ABCA3: variants seen among roughly 807,000 people sequenced by gnomAD.
ABCA3 encodes the protein phospholipid-transporting ATPase ABCA3.
ABCA3 carries 88 observed loss-of-function variants against 172.8 expected under a neutral mutation model. The ratio of observed to expected loss-of-function variants is 0.51; its 90% CI spans 0.43 to 0.61. ABCA3 has a LOEUF of 0.61. ABCA3 is among the 20% of genes least tolerant of loss of function. The pLI, the probability that ABCA3 is intolerant of heterozygous loss-of-function variation, is 0.00. For synonymous variants in ABCA3, 1,066 were observed against 983.8 expected, an observed-to-expected ratio of 1.08 and a Z score of -1.56; for missense variants, 2,164 against 2,301.0, an observed-to-expected ratio of 0.94 and a Z score of 1.22.
In ABCA3 at chr16:2,299,475, A is replaced by G. The variant is rs760414871; in HGVS notation, c.1669T>C (p.Tyr557His). 2 of 1,613,794 alleles carry G rather than the reference A, an allele frequency of 1.2e-6. No individual in the cohort carries two copies. The highest frequency in any genetic ancestry group is 4.5e-5 in the East Asian group (2 of 44,846). Residue 557 changes from tyrosine (Y) to histidine (H), a missense_variant, in exon 14 of 33, where the codon TAC becomes CAC. Coordinates refer to ENST00000301732, the MANE Select transcript of ABCA3 (RefSeq NM_001089.3). ...AAVRDLNLNL[Y>H]EGQITVLLGH... ...AGCAGGACGGTGATCTGTCCCTCGT[A>G]CAGGTTGAGGTTCAGGTCTCTGACG...
rs992302573 is a variant in ABCA3, at chr16:2,278,427, T to A, written c.4579A>T (p.Ile1527Phe). Residue 1527 changes from isoleucine (I) to phenylalanine (F), a missense_variant, in exon 30 of 33, where the codon ATC (isoleucine) becomes TTC (phenylalanine). Ile to Phe is a conservative substitution (Grantham distance 21). Transcript: ENST00000301732. This position sits in a 1 kb window ranked among gnomAD's most constrained non-coding sequence, Gnocchi z 4.4. ...GGNKRKLSTG[I>F]ALIGEPAVIF... is the part of the protein sequence containing the mutation. ...ACAGCAGGCTCTCCGATCAGGGCGA[T>A]GCCGGTGCTCAGCTTCCGCTTGTTA... 2 of 1,612,858 alleles carry A rather than the reference T, an allele frequency of 1.2e-6. No homozygotes were observed. The highest frequency in any genetic ancestry group is 1.7e-6 in the Non-Finnish European group (2 of 1,180,014).
intron 9 of ABCA3, 78 bp from the exon 10 acceptor site, chr16:2,317,481 C>G (rs576160697): frequency 6.5e-7 from 1 of 1,538,630 alleles, no homozygotes; most frequent in South Asian, 1.2e-5. Context: ...TCCCTGGTCA[C>G]AGGGACGCGG....
At chr16:2,304,645 T>G (rs1328484501) in intron 11 of ABCA3, among the ~76,000 whole-genome samples, 1 of 151,326 alleles carries the variant, frequency 6.6e-6, no homozygotes, top group African/African-American at 2.4e-5. Context: ...TAGTTGGGAT[T>G]ACAGGCGCAT....
At chr16:2,306,456 A>G (rs2141717998) in intron 11 of ABCA3, among the ~76,000 whole-genome samples, 1 of 152,352 alleles carries the variant, frequency 6.6e-6, no homozygotes. Flanking sequence ...GAACCGTTCT[A>G]ATGAAAGACA....
At position 2,283,083 on chromosome 16, in the gene ABCA3, C is replaced by T. The variant is rs2093657461; in HGVS notation, c.4035+103G>A. The T allele has an allele frequency of 7.7e-7, 1 of 1,300,998 alleles. No homozygotes were observed. Among genetic ancestry groups the T allele is most frequent in the Non-Finnish European group, 1.1e-6 (1 of 926,526 alleles). The allele number at this position is 1,300,998 out of a possible 1,614,324, so 80.6% of individuals were successfully genotyped here. ...AGTGGGAGACCATCTGGTGCAGGAG[C>T]TGCCTGGTGGAGAAGGAGGTGGAGC... On this transcript the variant is annotated intron_variant, in intron 26 of 32. Coordinates refer to ENST00000301732, the MANE Select transcript of ABCA3 (RefSeq NM_001089.3). This position sits in a 1 kb window ranked among gnomAD's most constrained non-coding sequence, Gnocchi z 5.4.
At chr16:2,316,140 GAAAAA>G (rs534232946) in intron 10 of ABCA3, among the ~76,000 whole-genome samples, 2 of 57,824 alleles carry the variant, frequency 3.5e-5, no homozygotes, top group African/African-American at 1.4e-4. Context: ...AACATGGTGA[GAAAAA>G]AAAAAAAAAA....
Position 2,326,217 on chromosome 16 carries a change from T to C in ABCA3, c.112A>G (p.Ile38Val). The C allele has an allele frequency of 6.2e-7, 1 of 1,613,982 alleles. No homozygotes were observed. The highest frequency in any genetic ancestry group is 8.5e-7 in the Non-Finnish European group (1 of 1,180,026). Residue 38 changes from isoleucine (I) to valine (V), a missense_variant, in exon 5 of 33, where the codon ATC (isoleucine) becomes GTC (valine). Ile to Val is a conservative substitution (Grantham distance 29). Transcript: ENST00000301732. ...ELFLPLLFSG[I>V]LIWLRLKIQS... Reference sequence around the variant, plus strand: ...ATCTTCAAGCGGAGCCAGATGAGGATCCCAGAAAACAGCAATGGCAGGAAG... The same window carrying C: ...ATCTTCAAGCGGAGCCAGATGAGGACCCCAGAAAACAGCAATGGCAGGAAG...
chr16:2,318,787 A>G (rs1179955934), intron 8 of ABCA3, among the ~76,000 whole-genome samples: 1 of 152,118 alleles, frequency 6.6e-6, no homozygotes, highest in Non-Finnish European at 1.5e-5. Flanking sequence ...TGCTGGGATT[A>G]CAGGTGTGAG....
chr16:2,337,395 G>A (rs970003924), intron 1 of ABCA3, among the ~76,000 whole-genome samples: 4 of 149,126 alleles, frequency 2.7e-5, no homozygotes, highest in African/African-American at 9.9e-5. Context: ...TTTTCATGCA[G>A]GGTCTCACTC....
At chr16:2,313,570 A>AG (rs1227566697) in intron 10 of ABCA3, among the ~76,000 whole-genome samples, 5 of 150,554 alleles carry the variant, frequency 3.3e-5, no homozygotes, top group South Asian at 2.1e-4. Context: ...AAAAAAAAAA[A>AG]AAGAAGAAAG....
At position 2,286,601 on chromosome 16, in the gene ABCA3, C is replaced by A. The variant is rs907416320; in HGVS notation, c.3278+93G>T. The A allele has an allele frequency of 3.9e-6, 6 of 1,531,228 alleles. No individual in the cohort carries two copies. The highest frequency in any genetic ancestry group is 1.2e-5 in the South Asian group (1 of 85,766). 94.9% of individuals were successfully genotyped at this position (1,531,228 alleles called of 1,614,324 possible). On this transcript the variant is annotated intron_variant, in intron 22 of 32. Transcript: ENST00000301732. The surrounding 1 kb of genome is among the most constrained non-coding windows in gnomAD (Gnocchi z 5.2). ...GACCCAGGGGCTTTGGGAGGGCAGA[C>A]ACAATGCTCTATCTATGGGCCCGTG...
chr16:2,292,305 A>G, intron 18 of ABCA3, 67 bp from the exon 19 acceptor site: 2 of 1,400,758 alleles, frequency 1.4e-6, no homozygotes, highest in Non-Finnish European at 2.0e-6. Flanking sequence ...TTCCTAAAGC[A>G]TCACCCCCCC....
intron 26 of ABCA3, among the ~76,000 whole-genome samples, chr16:2,282,942 G>A (rs908624948): frequency 5.3e-5 from 8 of 152,158 alleles, no homozygotes; most frequent in East Asian, 1.9e-4. Flanking sequence ...TCAGCAGGAC[G>A]GCCCTGGGCC....
intron 11 of ABCA3, among the ~76,000 whole-genome samples, chr16:2,305,040 T>C (rs2093695446): frequency 6.6e-6 from 1 of 152,152 alleles, no homozygotes; most frequent in African/African-American, 2.4e-5. Context: ...CTCGAACTCC[T>C]GAGCTCGGGC....
rs1352950741 is a variant in ABCA3 at position 2,298,551 on chromosome 16, G to T, written c.1742-11C>A. The T allele has an allele frequency of 6.2e-7, 1 of 1,612,470 alleles. No individual in the cohort carries two copies. The highest frequency in any genetic ancestry group is 8.5e-7 in the Non-Finnish European group (1 of 1,179,972). ...TGGGGGGAAAGAGACCTGGGGCCCA[G>T]CAGGAGACCCCACATTCAGCATGAA... is the stretch of plus-strand genomic sequence containing the variant. On this transcript the variant is annotated splice_polypyrimidine_tract_variant and intron_variant, in intron 14 of 32. Coordinates refer to ENST00000301732, the MANE Select transcript of ABCA3 (RefSeq NM_001089.3).
rs1276696201 is a variant in ABCA3, at chr16:2,297,208, A to G, written c.2263+121T>C. The G allele has an allele frequency of 1.1e-5, 12 of 1,102,000 alleles. No homozygotes were observed. The highest frequency in any genetic ancestry group is 2.8e-4 in the Middle Eastern group (1 of 3,528). 68.3% of individuals were successfully genotyped at this position (1,102,000 alleles called of 1,614,324 possible). On this transcript the variant is annotated intron_variant, in intron 17 of 32. Transcript: ENST00000301732. This position sits in a 1 kb window ranked among gnomAD's most constrained non-coding sequence, Gnocchi z 5.6. ...TGGGCTCTCCACCCAGAGGCAACAG[A>G]CAGGAAGTCTAGAAAAGGCCACCCC... is the stretch of plus-strand genomic sequence containing the variant.
intron 28 of ABCA3, among the ~76,000 whole-genome samples, 199 bp downstream of exon 28, chr16:2,280,828 C>T (rs1424107347): frequency 6.6e-6 from 1 of 152,218 alleles, no homozygotes; most frequent in Admixed American, 6.5e-5. Flanking sequence ...TCTCTCTCCC[C>T]TCCCATCACC....
chr16:2,295,708 G>A lies in ABCA3; in HGVS notation c.2296C>T (p.Pro766Ser), dbSNP rs45592239. The change falls in exon 18 of 33, where the codon CCG (proline) becomes TCG (serine). Residue 766 changes from proline (P) to serine (S), a missense_variant. Physicochemically the swap from Pro to Ser is moderately conservative, Grantham distance 74. Transcript: ENST00000301732. ...GAGATGTCTTCCGGGTTGCAGTGCGGCTCCTTCACCAGCGTCATGTGATAG... is the reference window on the plus strand; with the variant it reads ...GAGATGTCTTCCGGGTTGCAGTGCGACTCCTTCACCAGCGTCATGTGATAG... ...AGYHMTLVKE[P>S]HCNPEDISQL... 3,451 of 1,614,026 alleles carry A rather than the reference G, an allele frequency of 2.1e-3. 5 individuals carry two copies. The highest frequency in any genetic ancestry group is 2.7e-3 in the Non-Finnish European group (3,183 of 1,180,042).
At chr16:2,299,379 G>A (rs1308034197) in intron 14 of ABCA3, 24 bp downstream of exon 14, 15 of 1,612,570 alleles carry the variant, frequency 9.3e-6, no homozygotes, top group African/African-American at 2.7e-5. Flanking sequence ...CTGGTGGCAG[G>A]GGCGTGAGGC....
Sources: allele counts gnomAD v4.1 joint callset (sites outside exome capture counted in the v4.1 genomes callset), GRCh38; gene constraint gnomAD v4.1.1; non-coding constraint Gnocchi (gnomAD v3.1); transcripts MANE v1.5; gene names NCBI Gene and HGNC (gene_info 2026-07-23, HGNC 2026-07-21).